DNAH14: variants seen among roughly 807,000 people sequenced by gnomAD.
DNAH14 encodes the protein dynein axonemal heavy chain 14, also known as axonemal beta dynein heavy chain 14.
A neutral mutation model predicts 520.9 loss-of-function variants in DNAH14; 478 were observed. The ratio of observed to expected loss-of-function variants is 0.92; its 90% CI spans 0.85 to 0.99. DNAH14 has a LOEUF of 0.99. Among genes scored for constraint, DNAH14 ranks in the 50% least tolerant of loss-of-function variants. The pLI, the probability that DNAH14 is intolerant of heterozygous loss-of-function variation, is 0.00. For synonymous variants in DNAH14, 1,581 were observed against 1,757.2 expected (o/e 0.90, Z 2.51); for missense variants, 4,831 against 5,234.5 (o/e 0.92, Z 2.38).
chr1:224,976,325 G>A lies in DNAH14; in HGVS notation c.830+2172G>A, dbSNP rs538854942. 2.6e-5 allele frequency among the ~76,000 whole-genome samples: 4 copies of A among 152,190 alleles called. No homozygotes were observed. In the South Asian group the frequency reaches 6.2e-4, roughly 24 times the overall value. The stretch of plus-strand genomic sequence containing the variant: ...TGATGTGTCTAATGTTGACAGTGGG[G>A]TGTTAAAGTCTCCCATTATTATTGT... On this transcript the variant is annotated intron_variant, in intron 8 of 85. Transcript: ENST00000682510.
At chr1:225,111,868 G>C (rs1023168347) in intron 23 of DNAH14, among the ~76,000 whole-genome samples, 1 of 151,812 alleles carries the variant, frequency 6.6e-6, no homozygotes, top group African/African-American at 2.4e-5. Flanking sequence ...ATTTTAAATT[G>C]GTGACAACTT....
At chr1:225,207,262 C>A in intron 41 of DNAH14, 42 bp downstream of exon 41, 1 of 1,427,334 alleles carries the variant, frequency 7.0e-7, no homozygotes, top group African/African-American at 1.5e-5. Flanking sequence ...TATATCTTAG[C>A]TAGTCAATGC....
At chr1:225,285,320 G>C (rs960001124) in intron 54 of DNAH14, among the ~76,000 whole-genome samples, 13 of 152,082 alleles carry the variant, frequency 8.5e-5, no homozygotes, top group African/African-American at 2.9e-4. Flanking sequence ...AGGCCAAAGT[G>C]AGTGGATCAC....
At chr1:225,031,192 C>T (rs778007277) in intron 11 of DNAH14, among the ~76,000 whole-genome samples, 7 of 151,932 alleles carry the variant, frequency 4.6e-5, no homozygotes, top group African/African-American at 7.2e-5. Flanking sequence ...AAAAGAAATG[C>T]GGTTGATTTT....
At position 225,256,871 on chromosome 1, in the gene DNAH14, A is replaced by C. The variant is rs184629521; in HGVS notation, c.6866-1089A>C. Among the ~76,000 whole-genome samples, 7 of 152,282 alleles carry C rather than the reference A, an allele frequency of 4.6e-5. No homozygotes were observed. In the East Asian group the frequency reaches 1.2e-3, roughly 25 times the overall value. On this transcript the variant is annotated intron_variant, in intron 44 of 85. Transcript: ENST00000682510. ...AATATATAAAGGGACTTTACAAATC[A>C]AAGTAAAAGACCAGGAGCCCATTTG... is the stretch of plus-strand genomic sequence containing the variant.
At chr1:225,288,685 T>C (rs573617787) in intron 54 of DNAH14, among the ~76,000 whole-genome samples, 3 of 152,254 alleles carry the variant, frequency 2.0e-5, no homozygotes, top group South Asian at 2.1e-4. Flanking sequence ...CAAAAGACGA[T>C]ACCTGAATGG....
chr1:225,358,373 C>A, intron 73 of DNAH14, 123 bp from the exon 74 acceptor site: 1 of 875,256 alleles, frequency 1.1e-6, no homozygotes, highest in Non-Finnish European at 1.7e-6. Flanking sequence ...GCTTCCTCAA[C>A]AGGAAAACTC....
In DNAH14 at chr1:225,207,281, C is replaced by T. The variant is rs556620798; in HGVS notation, c.6439+61C>T. The T allele has an allele frequency of 1.1e-5, 16 of 1,396,614 alleles. No individual in the cohort carries two copies. In the Admixed American group the frequency reaches 2.0e-4, roughly 17 times the overall value. The allele number at this position is 1,396,614 out of a possible 1,614,324, so 86.5% of individuals were successfully genotyped here. On this transcript the variant is annotated intron_variant, in intron 41 of 85. Transcript: ENST00000682510. ...TCTTAGCTAGTCAATGCTAATTCAT[C>T]ACCGTCTATTAGATTTTAGAAAATT...
In DNAH14 at chr1:225,393,476, C is replaced by T. The variant is rs150896210; in HGVS notation, c.13491+1025C>T. Among the ~76,000 whole-genome samples, 23 of 152,328 alleles carry T rather than the reference C, an allele frequency of 1.5e-4. No individual in the cohort carries two copies. In the East Asian group the frequency reaches 4.2e-3, roughly 28 times the overall value. ...TGGTAATTTGTGTACCCAAACACAT[C>T]TATACATAGAAATGCATGGATGCAT... is the stretch of plus-strand genomic sequence containing the variant. On this transcript the variant is annotated intron_variant, in intron 84 of 85. Coordinates refer to ENST00000682510, the MANE Select transcript of DNAH14 (RefSeq NM_001367479.1).
intron 68 of DNAH14, among the ~76,000 whole-genome samples, chr1:225,339,306 T>C (rs932325318): frequency 1.1e-4 from 17 of 152,138 alleles, no homozygotes; most frequent in Non-Finnish European, 2.9e-5. Context: ...AGTGAAACTC[T>C]GTCTGAAAAA....
chr1:225,100,886 T>TAA lies in DNAH14; in HGVS notation c.3867+5_3867+6dup. 1 of 1,494,446 alleles carries TAA rather than the reference T, an allele frequency of 6.7e-7. No homozygotes were observed. The allele number at this position is 1,494,446 out of a possible 1,614,324, so 92.6% of individuals were successfully genotyped here. A position where few individuals can be genotyped will look rare whatever the true frequency, so the allele number is the denominator to read the frequency against. On this transcript the variant is annotated splice_region_variant and intron_variant, in intron 23 of 85. Coordinates refer to ENST00000682510, the MANE Select transcript of DNAH14 (RefSeq NM_001367479.1). The stretch of plus-strand genomic sequence containing the variant: ...GAACATATAAAGAAAAGCCTTGAGG[T>TAA]AAAACTATAGCAATTCTAAAGCAGT...
At chr1:225,170,858 C>G (rs938619886) in intron 36 of DNAH14, among the ~76,000 whole-genome samples, 1 of 152,178 alleles carries the variant, frequency 6.6e-6, no homozygotes, top group Non-Finnish European at 1.5e-5. Context: ...ACATTGACCA[C>G]TTAGTTGGAA....
intron 11 of DNAH14, chr1:225,024,314 A>G: frequency 2.1e-6 from 2 of 935,742 alleles, no homozygotes; most frequent in African/African-American, 3.5e-5. Flanking sequence ...AATTCCAAGA[A>G]ATATCTGTTG....
At chr1:225,297,341 T>A (rs1480284151) in intron 55 of DNAH14, among the ~76,000 whole-genome samples, 1 of 125,582 alleles carries the variant, frequency 8.0e-6, no homozygotes. Context: ...TTCTTTTACA[T>A]TTTTTTTCTG....
chr1:224,929,953 C>T (rs940687890), intron 1 of DNAH14, 118 bp downstream of exon 1: 4 of 529,196 alleles, frequency 7.6e-6, no homozygotes, highest in East Asian at 6.7e-5. Context: ...CTGGGCGCTC[C>T]CCACCCAGCT....
rs2092803552 is a variant in DNAH14, at chr1:225,258,032, T to C, written c.6938T>C (p.Ile2313Thr). The C allele has an allele frequency of 1.0e-5, 16 of 1,550,408 alleles. No individual in the cohort carries two copies. In the East Asian group the frequency reaches 3.9e-4, roughly 38 times the overall value. ...AAGATAACAGAATGTGGAGAATGCATTAATTATACCGCTACCAGAGACACA... is the reference window on the plus strand; with the variant it reads ...AAGATAACAGAATGTGGAGAATGCACTAATTATACCGCTACCAGAGACACA... ...FLKITECGEC[I>T]NYTATRDTTC... Residue 2313 changes from isoleucine to threonine, a missense_variant, in exon 45 of 86, where the codon ATT becomes ACT. Coordinates refer to ENST00000682510, the MANE Select transcript of DNAH14 (RefSeq NM_001367479.1).
chr1:225,138,096 G>C (rs1389395082), intron 27 of DNAH14, among the ~76,000 whole-genome samples: 3 of 152,048 alleles, frequency 2.0e-5, no homozygotes, highest in African/African-American at 7.2e-5. Context: ...GGATATGGCA[G>C]CTGCCCCTCC....
intron 36 of DNAH14, among the ~76,000 whole-genome samples, chr1:225,177,163 T>C (rs2083427606): frequency 2.0e-5 from 3 of 152,206 alleles, no homozygotes. Context: ...AAGGTGACTC[T>C]TGTTAAGTTT....
chr1:224,954,854 T>C, intron 2 of DNAH14, 105 bp from the exon 3 acceptor site: 1 of 790,840 alleles, frequency 1.3e-6, no homozygotes, highest in Non-Finnish European at 2.0e-6. Context: ...CCTAAGAAGC[T>C]GTTTTAATTA....
Sources: gnomAD v4.1 joint callset for allele counts (sites outside exome capture counted in the v4.1 genomes callset) on GRCh38, gnomAD v4.1.1 for gene constraint, MANE v1.5 for transcripts, NCBI Gene and HGNC (gene_info 2026-07-23, HGNC 2026-07-21) for gene names.